LRPPRC: variants seen among roughly 807,000 people sequenced by gnomAD.
LRPPRC encodes leucine rich pentatricopeptide repeat containing, also known as leucine-rich PPR motif-containing protein, mitochondrial.
Under a neutral mutation model 180.3 loss-of-function variants are expected in LRPPRC, and 120 were observed. The observed-to-expected ratio is 0.67, with a 90% CI of 0.57 to 0.77. The LOEUF is 0.77. Ranked by LOEUF, LRPPRC falls within the 30% of genes least tolerant of loss-of-function variation. The pLI is 0.00. For synonymous variants in LRPPRC, 723 were observed against 600.0 expected, an observed-to-expected ratio of 1.21 and a Z score of -3.00; for missense variants, 2,012 against 1,657.2, an observed-to-expected ratio of 1.21 and a Z score of -3.72.
intron 30 of LRPPRC, among the ~76,000 whole-genome samples, chr2:43,908,120 C>A (rs368444916): frequency 3.7e-4 from 57 of 152,218 alleles, no homozygotes; most frequent in African/African-American, 1.0e-3. Flanking sequence ...CAGAATGATA[C>A]AGGAAGCCAA....
intron 27 of LRPPRC, among the ~76,000 whole-genome samples, chr2:43,921,573 A>G (rs558231376): frequency 1.3e-5 from 2 of 152,342 alleles, no homozygotes; most frequent in East Asian, 1.9e-4. Flanking sequence ...TAAAAAATAC[A>G]TGGATATAAA....
rs79532841 is a variant in LRPPRC at position 43,951,512 on chromosome 2, T to C, written c.1650-912A>G. Among the ~76,000 whole-genome samples, 1,034 of 152,338 alleles carry C rather than the reference T, an allele frequency of 6.8e-3. 11 individuals are homozygous for C. Among genetic ancestry groups the C allele is most frequent in the African/African-American group, 0.023 (969 of 41,580 alleles). On this transcript the variant is annotated intron_variant, in intron 14 of 37. Coordinates refer to ENST00000260665, the MANE Select transcript of LRPPRC (RefSeq NM_133259.4). Reference sequence around the variant, plus strand: ...CATTTGATGAATTCTGATTATCAACTAGGATTAATTTTGTCAGGTATGATA... The same window carrying C: ...CATTTGATGAATTCTGATTATCAACCAGGATTAATTTTGTCAGGTATGATA...
chr2:43,972,705 T>A (rs549378928), intron 11 of LRPPRC, among the ~76,000 whole-genome samples: 1 of 152,360 alleles, frequency 6.6e-6, no homozygotes, highest in East Asian at 1.9e-4. Context: ...TTTCACTATT[T>A]CCTTTAAACC....
chr2:43,924,973 C>A, intron 27 of LRPPRC, 94 bp downstream of exon 27: 2 of 791,334 alleles, frequency 2.5e-6, no homozygotes, highest in South Asian at 1.4e-5. Context: ...TGCCTTCTGA[C>A]AATCCCTGGA....
At chr2:43,924,208 G>C (rs1016001629) in intron 27 of LRPPRC, among the ~76,000 whole-genome samples, 1 of 152,104 alleles carries the variant, frequency 6.6e-6, no homozygotes, top group Non-Finnish European at 1.5e-5. Flanking sequence ...AATAAATCTA[G>C]ATAAACATCC....
At chr2:43,892,256 T>G (rs1342509113) in intron 36 of LRPPRC, among the ~76,000 whole-genome samples, 1 of 152,244 alleles carries the variant, frequency 6.6e-6, no homozygotes, top group African/African-American at 2.4e-5. Context: ...ATCAAAGATT[T>G]CATAGCTAGA....
At chr2:43,940,632 TA>T (rs757201075) in intron 23 of LRPPRC, among the ~76,000 whole-genome samples, 9 of 152,152 alleles carry the variant, frequency 5.9e-5, no homozygotes, top group Non-Finnish European at 1.2e-4. Context: ...ATAATCCAGT[TA>T]AACAGCTTCA....
chr2:43,949,643 T>C lies in LRPPRC; in HGVS notation c.1694A>G (p.Tyr565Cys). The C allele has an allele frequency of 6.2e-7, 1 of 1,613,848 alleles. No individual in the cohort carries two copies. The highest frequency in any genetic ancestry group is 1.7e-5 in the Admixed American group (1 of 60,020). ...CTCCTGGCAATAACGTCCATCCTTG[T>C]ACAACAATTCTGTTATCTGGTAAGA... ...NLWSEITELL[Y>C]KDGRYCQEPR... The change falls in exon 16 of 38, where the codon TAC becomes TGC. Residue 565 changes from tyrosine to cysteine, a missense_variant. Transcript: ENST00000260665.
At chr2:43,952,291 A>G (rs1051260849) in intron 14 of LRPPRC, among the ~76,000 whole-genome samples, 3 of 152,218 alleles carry the variant, frequency 2.0e-5, no homozygotes, top group African/African-American at 7.2e-5. Context: ...AATTTCACAT[A>G]TACCTAAAAC....
At position 43,943,813 on chromosome 2, in the gene LRPPRC, A is replaced by T; in HGVS notation, c.2378T>A (p.Leu793Gln). The T allele has an allele frequency of 6.2e-7, 1 of 1,613,504 alleles. No individual in the cohort carries two copies. The highest frequency in any genetic ancestry group is 8.5e-7 in the Non-Finnish European group (1 of 1,179,482). ...TTCACCTCTTAAAGCTGCGCCATTTAGCATGTGGAAAAAGGACAAGGCTGT... is the reference window on the plus strand; with the variant it reads ...TTCACCTCTTAAAGCTGCGCCATTTTGCATGTGGAAAAAGGACAAGGCTGT... The part of the protein sequence containing the change: ...DTTALSFFHM[L>Q]NGAALRGEIE... Residue 793 changes from leucine (L) to glutamine (Q), a missense_variant, in exon 23 of 38, where the codon CTA becomes CAA. Transcript: ENST00000260665.
rs116345517 is a variant in LRPPRC, at chr2:43,960,139, G to A, written c.1582+402C>T. 5.7e-3 allele frequency among the ~76,000 whole-genome samples: 874 copies of A among 152,250 alleles called. 6 individuals carry two copies. The highest frequency in any genetic ancestry group is 0.01 in the Middle Eastern group (3 of 294). On this transcript the variant is annotated intron_variant, in intron 13 of 37. Transcript: ENST00000260665. ...AAGACTAGAAGTCTTTATAATAGAT[G>A]TTAGTTTAAAAAACACTTCAGAAAC...
chr2:43,988,380 T>C (rs1674626489), intron 1 of LRPPRC, among the ~76,000 whole-genome samples: 1 of 149,902 alleles, frequency 6.7e-6, no homozygotes. Context: ...CTACTAAAAA[T>C]ACAAACTTAG....
rs370900841 is a variant in LRPPRC, at chr2:43,925,493, C to A, written c.2806-336G>T. 7.2e-5 allele frequency among the ~76,000 whole-genome samples: 11 copies of A among 152,270 alleles called. No individual in the cohort carries two copies. The East Asian group carries it at 1.7e-3, about 24-fold the overall frequency. ...CGTACGTTAACAAAAATACTTCCCCCTCCAAACTTTACACTCTTCTTGCCC... is the reference window on the plus strand; with the variant it reads ...CGTACGTTAACAAAAATACTTCCCCATCCAAACTTTACACTCTTCTTGCCC... On this transcript the variant is annotated intron_variant, in intron 26 of 37. Transcript: ENST00000260665.
At position 43,918,084 on chromosome 2, in the gene LRPPRC, G is replaced by A. The variant is rs753329157; in HGVS notation, c.3089C>T (p.Thr1030Ile). The A allele has an allele frequency of 1.2e-6, 2 of 1,613,534 alleles. No individual in the cohort carries two copies. Among genetic ancestry groups the A allele is most frequent in the South Asian group, 2.2e-5 (2 of 91,046 alleles). ...KHSLNSSSASTTEPDFQKDIL... is the reference protein window; with the variant it reads ...KHSLNSSSASITEPDFQKDIL... ...ATCTTTCTGGAAATCAGGTTCTGTGGTTGAGGCTGACGAAGAATTCAGGGA... is the reference window on the plus strand; with the variant it reads ...ATCTTTCTGGAAATCAGGTTCTGTGATTGAGGCTGACGAAGAATTCAGGGA... The change falls in exon 29 of 38, where the codon ACC (threonine) becomes ATC (isoleucine). Residue 1030 changes from threonine to isoleucine, a missense_variant. Transcript: ENST00000260665.
In LRPPRC at chr2:43,985,058, T is replaced by TA. The variant is rs1194413008; in HGVS notation, c.150-2625dup. Among the ~76,000 whole-genome samples the TA allele has an allele frequency of 2.6e-3, 380 of 143,490 alleles. 1 individual carries two copies. The highest frequency in any genetic ancestry group is 6.4e-3 in the African/African-American group (252 of 39,236). The allele number at this position is 143,490 out of a possible 152,430, so 94.1% of individuals were successfully genotyped here. ...AACGATCTTATAGTTGAATGTCCAT[T>TA]AAAAAAAAAAAAGATATAAGGGATC... On this transcript the variant is annotated intron_variant, in intron 1 of 37. Transcript: ENST00000260665.
chr2:43,961,753 G>A (rs944543388), intron 12 of LRPPRC, among the ~76,000 whole-genome samples: 1 of 152,168 alleles, frequency 6.6e-6, no homozygotes, highest in African/African-American at 2.4e-5. Context: ...CTAAGATTAG[G>A]AGTTTGAGAC....
intron 31 of LRPPRC, chr2:43,902,366 A>C (rs771045268): frequency 6.6e-6 from 1 of 152,216 alleles, no homozygotes; most frequent in Non-Finnish European, 1.5e-5. Context: ...TAGCCTAACA[A>C]TCACCCCTAC....
At chr2:43,949,379 G>A (rs1435954983) in intron 16 of LRPPRC, among the ~76,000 whole-genome samples, 1 of 152,004 alleles carries the variant, frequency 6.6e-6, no homozygotes, top group Non-Finnish European at 1.5e-5. Context: ...CCCAATATCT[G>A]AAAAGAAAAA....
intron 30 of LRPPRC, among the ~76,000 whole-genome samples, chr2:43,909,756 C>T (rs1421786031): frequency 1.3e-5 from 2 of 151,946 alleles, no homozygotes; most frequent in Admixed American, 1.3e-4. Context: ...GAGATAGATA[C>T]ATTAAATATG....
Sources: allele counts gnomAD v4.1 joint callset (sites outside exome capture counted in the v4.1 genomes callset), GRCh38; gene constraint gnomAD v4.1.1; transcripts MANE v1.5; gene names NCBI Gene and HGNC (gene_info 2026-07-23, HGNC 2026-07-21).